The following GSE1 variants were observed in gnomAD, a reference collection of about 807,000 sequenced individuals.
GSE1 encodes the protein Gse1 coiled-coil protein, also known as genetic suppressor element 1.
Under a neutral mutation model 112.6 loss-of-function variants are expected in GSE1, and 32 were observed. The ratio of observed to expected loss-of-function variants is 0.28; its 90% CI spans 0.21 to 0.38. The LOEUF (loss-of-function observed/expected upper bound fraction) is 0.38. GSE1 is among the 10% of genes least tolerant of loss of function. GSE1 has a pLI of 1.00. For missense variants in GSE1, 2,348 were observed against 1,699.2 expected, an observed-to-expected ratio of 1.38 and a Z score of -6.71; for synonymous variants, 1,115 against 735.6, an observed-to-expected ratio of 1.52 and a Z score of -8.35.
chr16:85,229,960 C>A (rs549085039), intron 1 of GSE1, among the ~76,000 whole-genome samples: 3 of 152,288 alleles, frequency 2.0e-5, no homozygotes, highest in East Asian at 3.9e-4. Context: ...AAACCTAGGT[C>A]CAGTTGTCCA....
chr16:85,214,012 G>T (rs2075268967), intron 1 of GSE1, among the ~76,000 whole-genome samples: 1 of 152,232 alleles, frequency 6.6e-6, no homozygotes, highest in African/African-American at 2.4e-5. Flanking sequence ...CCATCCCAGG[G>T]CATCTCTTGC....
At chr16:85,239,902 A>G (rs557224596) in intron 1 of GSE1, among the ~76,000 whole-genome samples, 53 of 152,348 alleles carry the variant, frequency 3.5e-4, no homozygotes, top group South Asian at 1.4e-3. Flanking sequence ...AGGTCTGGAA[A>G]TGTTTTTGGT....
At chr16:85,477,556 T>A (rs537076217) in intron 2 of GSE1, among the ~76,000 whole-genome samples, 1 of 126,986 alleles carries the variant, frequency 7.9e-6, no homozygotes, top group Non-Finnish European at 1.8e-5. Flanking sequence ...AGGTCTTAGG[T>A]TTTTTTTTTG....
At chr16:85,506,608 C>A (rs2051542155) in intron 2 of GSE1, among the ~76,000 whole-genome samples, 1 of 152,000 alleles carries the variant, frequency 6.6e-6, no homozygotes, top group Admixed American at 6.5e-5. Flanking sequence ...GGGGAAAACG[C>A]ACTCTCATGG....
At chr16:85,588,855 G>A (rs933518522) in intron 1 of GSE1, among the ~76,000 whole-genome samples, 2 of 152,110 alleles carry the variant, frequency 1.3e-5, no homozygotes, top group Non-Finnish European at 2.9e-5. Context: ...AACGGCCCTC[G>A]GCCTCTGTAC....
intron 1 of GSE1, among the ~76,000 whole-genome samples, chr16:85,628,054 T>C (rs2049229045): frequency 6.6e-6 from 1 of 152,162 alleles, no homozygotes; most frequent in African/African-American, 2.4e-5. Flanking sequence ...ACGTGGGCCC[T>C]GGAGGCTGTG....
At chr16:85,463,491 C>T (rs2050035924) in intron 2 of GSE1, among the ~76,000 whole-genome samples, 1 of 152,222 alleles carries the variant, frequency 6.6e-6, no homozygotes, top group Non-Finnish European at 1.5e-5. Flanking sequence ...CATGCGGCTC[C>T]TGGAGGTGGG....
chr16:85,634,520 C>T (rs558819677), intron 2 of GSE1, among the ~76,000 whole-genome samples: 16 of 152,308 alleles, frequency 1.1e-4, no homozygotes, highest in African/African-American at 3.8e-4. Flanking sequence ...GCTCCTTGCC[C>T]AGGTTTTGAC....
chr16:85,560,562 G>C (rs1401639415), intron 1 of GSE1, among the ~76,000 whole-genome samples: 1 of 152,332 alleles, frequency 6.6e-6, no homozygotes, highest in East Asian at 1.9e-4. Context: ...GCTGGCTGCA[G>C]GGAGAGCAAG....
At chr16:85,169,863 C>T (rs1441501994) in exon 1 of GSE1, 2 of 984,488 alleles carry the variant, frequency 2.0e-6, no homozygotes, top group African/African-American at 3.5e-5. Flanking sequence ...AGCGCATGTA[C>T]TGGCTCAAGC....
chr16:85,317,554 G>A (rs1415250068), intron 1 of GSE1, among the ~76,000 whole-genome samples: 5 of 152,034 alleles, frequency 3.3e-5, no homozygotes, highest in African/African-American at 7.2e-5. Flanking sequence ...TGCCCACAGT[G>A]AGTGTTGGTG....
At chr16:85,188,438 C>G (rs921417634) in intron 1 of GSE1, among the ~76,000 whole-genome samples, 1 of 152,090 alleles carries the variant, frequency 6.6e-6, no homozygotes, top group Non-Finnish European at 1.5e-5. Context: ...GAGCTGTCAC[C>G]TAGACCTCAA....
At chr16:85,592,595 A>T (rs1415391806) in intron 1 of GSE1, 1 of 152,164 alleles carries the variant, frequency 6.6e-6, no homozygotes, top group African/African-American at 2.4e-5. Context: ...CACACGGCAG[A>T]TCCAGAAATT....
At chr16:85,600,472 TGA>T (rs1041297538) in intron 1 of GSE1, among the ~76,000 whole-genome samples, 3 of 151,484 alleles carry the variant, frequency 2.0e-5, no homozygotes, top group African/African-American at 7.3e-5. Context: ...GAACTCCGGG[TGA>T]GAGGCTAGTG....
chr16:85,437,019 CCCCAGCGACTTTTG>C (rs2049263475), intron 2 of GSE1, among the ~76,000 whole-genome samples: 1 of 152,346 alleles, frequency 6.6e-6, no homozygotes, highest in Non-Finnish European at 1.5e-5. Flanking sequence ...CTACTCCCCT[CCCCAGCGACTTTTG>C]GCCTCTGAGC....
At chr16:85,660,516 G>A (rs533289067) in intron 8 of GSE1, among the ~76,000 whole-genome samples, 3 of 152,112 alleles carry the variant, frequency 2.0e-5, no homozygotes, top group Non-Finnish European at 4.4e-5. Flanking sequence ...GCACACGCCT[G>A]TAATCCCAGC....
chr16:85,213,345 C>T (rs1378892338), intron 1 of GSE1, among the ~76,000 whole-genome samples: 2 of 151,888 alleles, frequency 1.3e-5, no homozygotes, highest in African/African-American at 2.4e-5. Flanking sequence ...ACTTGGGAGG[C>T]TGAGGTGGAG....
chr16:85,458,084 C>T (rs560877763), intron 2 of GSE1, among the ~76,000 whole-genome samples: 1 of 152,154 alleles, frequency 6.6e-6, no homozygotes, highest in South Asian at 2.1e-4. Flanking sequence ...GATCTGACTC[C>T]CCAAACCCTA....
chr16:85,656,197 C>G (rs2051913515), intron 6 of GSE1, 146 bp from the exon 7 acceptor site: 1 of 1,014,636 alleles, frequency 9.9e-7, no homozygotes, highest in African/African-American at 1.6e-5. Context: ...TAAGTTCTTC[C>G]TGCACCAGTG....
Sources: allele counts gnomAD v4.1 joint callset (sites outside exome capture counted in the v4.1 genomes callset), GRCh38; gene constraint gnomAD v4.1.1; transcripts MANE v1.5; gene names NCBI Gene and HGNC (gene_info 2026-07-23, HGNC 2026-07-21).